FAM177B: variants seen among roughly 807,000 people sequenced by gnomAD.
FAM177B encodes protein FAM177B.
In FAM177B, 16 loss-of-function variants were observed where a neutral mutation model predicts 16.1. The ratio of observed to expected loss-of-function variants is 0.99; its 90% confidence interval spans 0.67 to 1.51. The LOEUF (loss-of-function observed/expected upper bound fraction) is 1.51, where lower values mean the gene tolerates loss of function less well. Among genes scored for constraint, FAM177B ranks in the 40% most tolerant of loss-of-function variants. The pLI, the probability that FAM177B is intolerant of heterozygous loss-of-function variation, is 0.00. For missense variants in FAM177B, 178 were observed against 183.7 expected (o/e 0.97, Z 0.18); for synonymous variants, 56 against 59.9 (o/e 0.93, Z 0.30).
intron 2 of FAM177B, among the ~76,000 whole-genome samples, chr1:222,744,504 T>C (rs1003538696): frequency 6.6e-6 from 1 of 151,440 alleles, no homozygotes; most frequent in Non-Finnish European, 1.5e-5. Context: ...AAAATACATG[T>C]GTACGTATCC....
At chr1:222,746,810 G>A (rs528737246) in intron 3 of FAM177B, 91 bp downstream of exon 3, 10 of 1,176,858 alleles carry the variant, frequency 8.5e-6, no homozygotes, top group African/African-American at 7.8e-5. Context: ...AGAAAGAATA[G>A]CTTTAAGCTA....
At chr1:222,737,404 C>A (rs375165582) in intron 1 of FAM177B, 82 bp downstream of exon 1, 1 of 152,436 alleles carries the variant, frequency 6.6e-6, no homozygotes, top group Non-Finnish European at 1.5e-5. Context: ...GCCTTGAAAG[C>A]GGAGCTCAGT....
chr1:222,738,921 G>A (rs1012575092), intron 2 of FAM177B, among the ~76,000 whole-genome samples: 1 of 152,186 alleles, frequency 6.6e-6, no homozygotes, highest in Non-Finnish European at 1.5e-5. Flanking sequence ...GCTCACTCTT[G>A]TGCTCATTCA....
At chr1:222,741,835 TTTC>T (rs1472956848) in intron 2 of FAM177B, among the ~76,000 whole-genome samples, 2 of 150,188 alleles carry the variant, frequency 1.3e-5, no homozygotes, top group Non-Finnish European at 3.0e-5. Context: ...TTTTTCTTTC[TTTC>T]TTTTTTCCTT....
At chr1:222,741,715 C>A (rs1658540192) in intron 2 of FAM177B, among the ~76,000 whole-genome samples, 1 of 150,958 alleles carries the variant, frequency 6.6e-6, no homozygotes, top group African/African-American at 2.4e-5. Context: ...TTCCTTCCTT[C>A]CTTCCTTCCT....
At chr1:222,743,601 A>G (rs1053687100) in intron 2 of FAM177B, among the ~76,000 whole-genome samples, 1 of 151,692 alleles carries the variant, frequency 6.6e-6, no homozygotes, top group Non-Finnish European at 1.5e-5. Flanking sequence ...TTCACAGCAT[A>G]TGAGGACTAT....
At chr1:222,738,329 G>T (rs1405609973) in intron 2 of FAM177B, among the ~76,000 whole-genome samples, 2 of 152,144 alleles carry the variant, frequency 1.3e-5, no homozygotes. Context: ...AGGTCAGAGA[G>T]ATTATATGGC....
intron 4 of FAM177B, 47 bp downstream of exon 4, chr1:222,747,128 T>C (rs1471524607): frequency 1.6e-6 from 2 of 1,246,794 alleles, no homozygotes; most frequent in Admixed American, 3.4e-5. Flanking sequence ...CAAATATATA[T>C]ATCGATAGGC....
chr1:222,745,844 G>A (rs1255919533), intron 2 of FAM177B, among the ~76,000 whole-genome samples: 2 of 152,164 alleles, frequency 1.3e-5, no homozygotes, highest in African/African-American at 4.8e-5. Flanking sequence ...AACCCAGGAG[G>A]CAGAGGTTGC....
At chr1:222,745,487 C>A (rs140751184) in intron 2 of FAM177B, among the ~76,000 whole-genome samples, 4 of 152,058 alleles carry the variant, frequency 2.6e-5, no homozygotes, top group African/African-American at 9.7e-5. Flanking sequence ...CTTGGTGGCA[C>A]GCACCTGTGG....
chr1:222,738,313 T>A (rs1418606160), intron 2 of FAM177B, among the ~76,000 whole-genome samples: 1 of 152,080 alleles, frequency 6.6e-6, no homozygotes, highest in African/African-American at 2.4e-5. Flanking sequence ...TAATACAATA[T>A]TTAAAAGGTC....
chr1:222,741,187 T>C (rs1658514885), intron 2 of FAM177B, among the ~76,000 whole-genome samples: 1 of 150,180 alleles, frequency 6.7e-6, no homozygotes, highest in East Asian at 2.0e-4. Flanking sequence ...GACTCCTGAG[T>C]AGCTGCGACT....
At chr1:222,738,581 A>AAAAAAAAG (rs1658389006) in intron 2 of FAM177B, among the ~76,000 whole-genome samples, 1 of 150,400 alleles carries the variant, frequency 6.6e-6, no homozygotes, top group Non-Finnish European at 1.5e-5. Context: ...AAAAAAAAAA[A>AAAAAAAAG]GGCTGGGCGT....
intron 2 of FAM177B, among the ~76,000 whole-genome samples, chr1:222,741,904 C>CT: frequency 4.7e-5 from 2 of 42,800 alleles, no homozygotes; most frequent in African/African-American, 1.7e-4. Context: ...CTCCCTCCCT[C>CT]CCTCTCTCTC....
intron 3 of FAM177B, 112 bp from the exon 4 acceptor site, chr1:222,746,903 G>T (rs1572010927): frequency 1.1e-6 from 1 of 937,638 alleles, no homozygotes; most frequent in South Asian, 1.4e-5. Flanking sequence ...TCATCTGTGA[G>T]AGAGAAAATG....
intron 2 of FAM177B, among the ~76,000 whole-genome samples, chr1:222,741,056 T>TG (rs1558246325): frequency 1.1e-4 from 12 of 111,390 alleles, no homozygotes; most frequent in African/African-American, 4.1e-4. Flanking sequence ...CTTTTTGTTT[T>TG]CTTTTTTTTT....
intron 2 of FAM177B, among the ~76,000 whole-genome samples, chr1:222,741,062 T>C (rs867949601): frequency 2.9e-4 from 40 of 136,072 alleles, no homozygotes; most frequent in Middle Eastern, 7.2e-3. Flanking sequence ...GTTTTCTTTT[T>C]TTTTTTTTTT....
chr1:222,746,176 T>G (rs1438576146), intron 2 of FAM177B, among the ~76,000 whole-genome samples: 1 of 152,238 alleles, frequency 6.6e-6, no homozygotes, highest in Non-Finnish European at 1.5e-5. Context: ...CTGTGTGAAG[T>G]CTGTACTCTT....
chr1:222,743,459 T>A (rs986125663), intron 2 of FAM177B, among the ~76,000 whole-genome samples: 6 of 152,082 alleles, frequency 3.9e-5, no homozygotes, highest in Non-Finnish European at 5.9e-5. Flanking sequence ...CACCCGGCCA[T>A]GAATTGTTTT....
Sources: allele counts gnomAD v4.1 joint callset (sites outside exome capture counted in the v4.1 genomes callset), GRCh38; gene constraint gnomAD v4.1.1; transcripts MANE v1.5; gene names NCBI Gene and HGNC (gene_info 2026-07-23, HGNC 2026-07-21).